The following GRIK2 variants were observed in gnomAD, a reference collection of about 807,000 sequenced individuals.
The protein encoded by GRIK2 is glutamate receptor ionotropic, kainate 2.
GRIK2 carries 32 observed loss-of-function variants against 100.3 expected under a neutral mutation model. The ratio of observed to expected loss-of-function variants is 0.32; its 90% CI spans 0.24 to 0.43. The LOEUF is 0.43. Among genes scored for constraint, GRIK2 ranks in the 20% least tolerant of loss-of-function variants. The probability of loss-of-function intolerance (pLI) is 1.00; values close to 1 mark genes in which losing one functional copy is unlikely to be tolerated. For synonymous variants in GRIK2, 417 were observed against 389.4 expected, an observed-to-expected ratio of 1.07 and a Z score of -0.83; for missense variants, 843 against 1,114.9, an observed-to-expected ratio of 0.76 and a Z score of 3.47.
intron 2 of GRIK2, among the ~76,000 whole-genome samples, chr6:101,582,546 T>C (rs558239680): frequency 1.3e-5 from 2 of 152,280 alleles, no homozygotes; most frequent in African/African-American, 4.8e-5. Flanking sequence ...GTCAGTTAGA[T>C]GTCTTTTCTT....
chr6:101,543,522 C>T (rs1048334159), intron 2 of GRIK2, among the ~76,000 whole-genome samples: 2 of 152,096 alleles, frequency 1.3e-5, no homozygotes, highest in Non-Finnish European at 2.9e-5. Flanking sequence ...TTATGCCTTC[C>T]CATATGCTGG....
At chr6:101,502,192 C>A (rs1324499070) in intron 2 of GRIK2, among the ~76,000 whole-genome samples, 1 of 152,012 alleles carries the variant, frequency 6.6e-6, no homozygotes, top group Non-Finnish European at 1.5e-5. Context: ...TAAAAATATT[C>A]ATTATTAAAA....
At position 102,044,288 on chromosome 6, in the gene GRIK2, G is replaced by A. The variant is rs572770132; in HGVS notation, c.2311+8722G>A. Among the ~76,000 whole-genome samples, 4 of 152,038 alleles carry A rather than the reference G, an allele frequency of 2.6e-5. No individual in the cohort carries two copies. The South Asian group carries it at 8.3e-4, about 31-fold the overall frequency. On this transcript the variant is annotated intron_variant, in intron 15 of 16. Transcript: ENST00000369134. ...AGTACCTTGCTGAAAATTTTCTAGT[G>A]GTGCTCTCGAGCTATCAGATAAAAT...
At chr6:101,649,036 G>T (rs928320229) in intron 4 of GRIK2, among the ~76,000 whole-genome samples, 4 of 152,004 alleles carry the variant, frequency 2.6e-5, no homozygotes, top group Non-Finnish European at 4.4e-5. Context: ...ATCTTCACTT[G>T]GCCACACCCT....
intron 14 of GRIK2, among the ~76,000 whole-genome samples, chr6:101,936,357 AAC>A (rs1736954326): frequency 6.6e-6 from 1 of 152,082 alleles, no homozygotes; most frequent in Non-Finnish European, 1.5e-5. Flanking sequence ...CACTAATGTT[AAC>A]ATTAGATTAC....
At chr6:101,431,519 G>A (rs915044333) in intron 2 of GRIK2, 5 of 152,186 alleles carry the variant, frequency 3.3e-5, no homozygotes, top group African/African-American at 1.2e-4. Flanking sequence ...GACAAGTGCT[G>A]TGAGGCTCTT....
intron 2 of GRIK2, among the ~76,000 whole-genome samples, chr6:101,484,876 A>T (rs1772733916): frequency 6.6e-6 from 1 of 152,198 alleles, no homozygotes. Flanking sequence ...AAATGCTTCT[A>T]TTATTGACAA....
chr6:101,566,914 AATAC>A (rs1389651475), intron 2 of GRIK2, among the ~76,000 whole-genome samples: 57 of 150,718 alleles, frequency 3.8e-4, no homozygotes, highest in African/African-American at 1.3e-3. Context: ...ATGTCTATTA[AATAC>A]ATACATTTTC....
At chr6:101,826,258 T>C (rs1448359775) in intron 10 of GRIK2, among the ~76,000 whole-genome samples, 1 of 151,996 alleles carries the variant, frequency 6.6e-6, no homozygotes, top group Non-Finnish European at 1.5e-5. Context: ...ATTTTTAGAG[T>C]CTGCTTTGAG....
intron 16 of GRIK2, chr6:102,065,990 C>A (rs1034253): frequency 3.4e-6 from 3 of 895,306 alleles, no homozygotes; most frequent in South Asian, 2.7e-5. Context: ...CCACATAAAT[C>A]CTTTAATAGA....
chr6:102,059,424 T>A (rs1404338592), intron 16 of GRIK2, among the ~76,000 whole-genome samples: 2 of 151,190 alleles, frequency 1.3e-5, no homozygotes, highest in Admixed American at 1.3e-4. Context: ...TCTTCTGTGA[T>A]TTTAAAGATA....
chr6:101,519,472 G>A (rs888559910), intron 2 of GRIK2, among the ~76,000 whole-genome samples: 2 of 151,994 alleles, frequency 1.3e-5, no homozygotes, highest in African/African-American at 2.4e-5. Context: ...TGAAGAGACA[G>A]ATTTCACAGT....
chr6:101,750,892 C>T (rs1243032733), intron 7 of GRIK2, among the ~76,000 whole-genome samples: 1 of 152,134 alleles, frequency 6.6e-6, no homozygotes. Context: ...CATGACTTTT[C>T]TAGAATTAAC....
At chr6:101,801,502 A>T (rs1210159299) in intron 8 of GRIK2, among the ~76,000 whole-genome samples, 4 of 151,982 alleles carry the variant, frequency 2.6e-5, no homozygotes, top group Non-Finnish European at 5.9e-5. Flanking sequence ...ATCCTTATTG[A>T]AATATTACCC....
At chr6:101,581,277 TGTATACAC>T (rs1778079808) in intron 2 of GRIK2, among the ~76,000 whole-genome samples, 1 of 144,244 alleles carries the variant, frequency 6.9e-6, no homozygotes, top group South Asian at 2.1e-4. Flanking sequence ...CGTGTATACA[TGTATACAC>T]ACGTGTGTGT....
At chr6:101,622,228 C>A in intron 3 of GRIK2, 112 bp downstream of exon 3, 1 of 591,786 alleles carries the variant, frequency 1.7e-6, no homozygotes. Context: ...GGAATATTTG[C>A]ATGCAAAGAT....
At chr6:101,444,422 T>C (rs574475793) in intron 2 of GRIK2, among the ~76,000 whole-genome samples, 150 of 152,190 alleles carry the variant, frequency 9.9e-4, no homozygotes, top group Non-Finnish European at 1.7e-3. Flanking sequence ...GCCTTGGCAA[T>C]GTAGCAATAT....
intron 10 of GRIK2, among the ~76,000 whole-genome samples, chr6:101,819,632 C>T (rs1365293222): frequency 1.3e-5 from 2 of 152,138 alleles, no homozygotes; most frequent in East Asian, 3.9e-4. Flanking sequence ...ACCAACCTAG[C>T]CCTCTTCTTC....
At chr6:101,625,912 C>A (rs748940425) in intron 3 of GRIK2, among the ~76,000 whole-genome samples, 9 of 152,092 alleles carry the variant, frequency 5.9e-5, no homozygotes, top group Non-Finnish European at 1.3e-4. Flanking sequence ...CATGTATCAT[C>A]AGATAGGTGG....
Sources: gnomAD v4.1 joint callset for allele counts (sites outside exome capture counted in the v4.1 genomes callset) on GRCh38, gnomAD v4.1.1 for gene constraint, MANE v1.5 for transcripts, NCBI Gene and HGNC (gene_info 2026-07-23, HGNC 2026-07-21) for gene names.